The following ERCC6 variants were observed in gnomAD, a reference collection of about 807,000 sequenced individuals.
ERCC6 encodes DNA excision repair protein ERCC-6.
Under a neutral mutation model 158.7 loss-of-function variants are expected in ERCC6, and 116 were observed. The observed-to-expected ratio is 0.73, with a 90% CI of 0.63 to 0.85. The LOEUF is 0.85. ERCC6 is among the 40% of genes least tolerant of loss of function. The pLI is 0.00. For missense variants in ERCC6, 1,698 were observed against 1,799.4 expected, an observed-to-expected ratio of 0.94 and a Z score of 1.02; for synonymous variants, 678 against 659.3, an observed-to-expected ratio of 1.03 and a Z score of -0.43.
intron 11 of ERCC6, among the ~76,000 whole-genome samples, chr10:49,476,771 C>T (rs906128329): frequency 2.0e-5 from 3 of 152,126 alleles, no homozygotes; most frequent in African/African-American, 7.2e-5. Context: ...CTTACCCTCC[C>T]AGCCCACTGC....
At chr10:49,443,300 G>A in the ERCC6 span, among the ~76,000 whole-genome samples, 2 of 151,922 alleles carry the variant, frequency 1.3e-5, no homozygotes, top group African/African-American at 4.8e-5. Flanking sequence ...AAAATTCCAA[G>A]ACAACAGAAA....
chr10:49,460,542 A>C (rs1466254497), intron 19 of ERCC6, 91 bp from the exon 20 acceptor site: 2 of 890,360 alleles, frequency 2.2e-6, no homozygotes, highest in South Asian at 1.3e-5. Context: ...TTCTTCCTGG[A>C]AACATTTCCA....
chr10:49,532,456 T>C, intron 2 of ERCC6, 87 bp downstream of exon 2: 1 of 1,592,482 alleles, frequency 6.3e-7, no homozygotes, highest in Non-Finnish European at 8.5e-7. Context: ...TCTCCTAAAC[T>C]TCTGGAATAC....
intron 11 of ERCC6, 22 bp downstream of exon 11, chr10:49,478,332 G>A (rs374304221): frequency 2.4e-4 from 347 of 1,457,750 alleles, no homozygotes; most frequent in Non-Finnish European, 2.9e-4. Context: ...GGAATGCTTC[G>A]TTAACTCCTG....
intron 19 of ERCC6, among the ~76,000 whole-genome samples, chr10:49,460,868 G>A (rs972040463): frequency 6.6e-6 from 1 of 151,526 alleles, no homozygotes; most frequent in African/African-American, 2.4e-5. Flanking sequence ...CAGCCCGGGC[G>A]AAAGGGCGAG....
chr10:49,506,819 A>G (rs1851451234), intron 5 of ERCC6, among the ~76,000 whole-genome samples: 1 of 152,098 alleles, frequency 6.6e-6, no homozygotes, highest in African/African-American at 2.4e-5. Context: ...GGAAAAAAAA[A>G]AAGCCTCAAA....
chr10:49,481,857 C>T (rs917138518), intron 10 of ERCC6, among the ~76,000 whole-genome samples: 1 of 152,168 alleles, frequency 6.6e-6, no homozygotes, highest in African/African-American at 2.4e-5. Context: ...GACCACCACC[C>T]AAGATCAGGT....
chr10:49,536,721 A>G (rs1837607430), intron 1 of ERCC6, among the ~76,000 whole-genome samples: 1 of 152,148 alleles, frequency 6.6e-6, no homozygotes, highest in South Asian at 2.1e-4. Context: ...TAGACTGCTA[A>G]CAATCTCCAG....
At chr10:49,477,037 G>T (rs1850890970) in intron 11 of ERCC6, among the ~76,000 whole-genome samples, 1 of 152,078 alleles carries the variant, frequency 6.6e-6, no homozygotes, top group Non-Finnish European at 1.5e-5. Context: ...GCAGCATCCT[G>T]CCATGGCCTG....
intron 1 of ERCC6, among the ~76,000 whole-genome samples, chr10:49,537,910 C>T (rs1837640751): frequency 6.6e-6 from 1 of 152,148 alleles, no homozygotes; most frequent in South Asian, 2.1e-4. Context: ...TTAGTAAAGA[C>T]AGGGTTTCAC....
At chr10:49,497,007 T>C (rs1027708291) in intron 7 of ERCC6, among the ~76,000 whole-genome samples, 1 of 152,180 alleles carries the variant, frequency 6.6e-6, no homozygotes, top group African/African-American at 2.4e-5. Flanking sequence ...AAATAACCTA[T>C]GTCCACTTTG....
chr10:49,488,679 A>T (rs1851119549), intron 8 of ERCC6, among the ~76,000 whole-genome samples: 3 of 144,338 alleles, frequency 2.1e-5, no homozygotes, highest in Admixed American at 2.1e-4. Flanking sequence ...ACTCCCTTCT[A>T]GCTTTTTTTA....
At chr10:49,449,948 C>T (rs1401777991), downstream of ERCC6, among the ~76,000 whole-genome samples, 2 of 152,090 alleles carry the variant, frequency 1.3e-5, no homozygotes, top group African/African-American at 4.8e-5. Context: ...TCATGGATCA[C>T]TACAACCTTG....
chr10:49,455,648 A>C lies in ERCC6; in HGVS notation c.*3167T>G, dbSNP rs1386495279. ...AAAAGAATATTTGTTGATCATTGGAATAACTGCCTTTTTGTTTTTGTTTAG... is the reference window on the plus strand; with the variant it reads ...AAAAGAATATTTGTTGATCATTGGACTAACTGCCTTTTTGTTTTTGTTTAG... On this transcript the variant is annotated 3_prime_UTR_variant, in exon 21 of 21. Coordinates refer to ENST00000355832, the MANE Select transcript of ERCC6 (RefSeq NM_000124.4). 1 of 152,274 alleles carries C rather than the reference A, an allele frequency of 6.6e-6. No homozygotes were observed. Among genetic ancestry groups the C allele is most frequent in the African/African-American group, 2.4e-5 (1 of 41,482 alleles). 9.4% of individuals were successfully genotyped at this position (152,274 alleles called of 1,614,324 possible).
chr10:49,482,728 G>A lies in ERCC6; in HGVS notation c.2128C>T (p.Pro710Ser). Residue 710 changes from proline to serine, a missense_variant, in exon 10 of 21, where the codon CCC becomes TCC. Transcript: ENST00000355832. ...TTTGAATATCCCCCCATGGTGATGGGGACGGAGAACTGCTCCATAAACACA... is the reference window on the plus strand; with the variant it reads ...TTTGAATATCCCCCCATGGTGATGGAGACGGAGAACTGCTCCATAAACACA... ...LPVFMEQFSV[P>S]ITMGGYSNAS... 1 of 1,613,572 alleles carries A rather than the reference G, an allele frequency of 6.2e-7. No homozygotes were observed. The highest frequency in any genetic ancestry group is 1.6e-4 in the Middle Eastern group (1 of 6,062).
chr10:49,438,891 C>T, the ERCC6 span, among the ~76,000 whole-genome samples: 13 of 152,212 alleles, frequency 8.5e-5, no homozygotes, highest in South Asian at 2.1e-4. Context: ...AGCTCCAAAA[C>T]GATCTCCTTT....
chr10:49,461,369 A>C lies in ERCC6; in HGVS notation c.3966T>G (p.Gly1322=). 1.2e-6 allele frequency: 2 copies of C among 1,613,372 alleles called. No homozygotes were observed. Among genetic ancestry groups the C allele is most frequent in the Non-Finnish European group, 1.7e-6 (2 of 1,180,022 alleles). The stretch of plus-strand genomic sequence containing the variant: ...TCTCTTACTTTTTTCCTGCTGGTGC[A>C]CCAGAAATCCCCCTGTGGCCAGTCC... ...PTWTGHRGIS[G]APAGKKSRFG... is the part of the protein sequence containing the mutation. The change falls in exon 19 of 21, where the codon GGT becomes GGG. Residue 1322 remains glycine, a synonymous_variant. Coordinates refer to ENST00000355832, the MANE Select transcript of ERCC6 (RefSeq NM_000124.4).
intron 4 of ERCC6, 58 bp downstream of exon 4, chr10:49,528,359 A>C: frequency 3.1e-6 from 5 of 1,589,664 alleles, no homozygotes; most frequent in Non-Finnish European, 4.3e-6. Flanking sequence ...CCCTCCACTG[A>C]CTACAGGCAT....
Position 49,458,756 on chromosome 10 carries a change from T to C in ERCC6, c.*59A>G. 1 of 1,532,282 alleles carries C rather than the reference T, an allele frequency of 6.5e-7. No homozygotes were observed. The highest frequency in any genetic ancestry group is 9.0e-7 in the Non-Finnish European group (1 of 1,107,146). The allele number at this position is 1,532,282 out of a possible 1,614,324, so 94.9% of individuals were successfully genotyped here. A position where few individuals can be genotyped will look rare whatever the true frequency, so the allele number is the denominator to read the frequency against. ...GACAAACATGATTATTAATAATAAATTAATAATCAGAAATGCCCGTTAGAA... is the reference window on the plus strand; with the variant it reads ...GACAAACATGATTATTAATAATAAACTAATAATCAGAAATGCCCGTTAGAA... On this transcript the variant is annotated 3_prime_UTR_variant, in exon 21 of 21. Transcript: ENST00000355832.
Sources: gnomAD v4.1 joint callset for allele counts (sites outside exome capture counted in the v4.1 genomes callset) on GRCh38, gnomAD v4.1.1 for gene constraint, MANE v1.5 for transcripts, NCBI Gene and HGNC (gene_info 2026-07-23, HGNC 2026-07-21) for gene names.